The following TYW1B variants were observed in gnomAD, a reference collection of about 807,000 sequenced individuals.
The protein encoded by TYW1B is tRNA-yW synthesizing protein 1 homolog B, also known as S-adenosyl-L-methionine-dependent tRNA 4-demethylwyosine synthase TYW1B.
In TYW1B, 73 loss-of-function variants were observed where a neutral mutation model predicts 86.9. The ratio of observed to expected loss-of-function variants is 0.84; its 90% CI spans 0.70 to 1.02. TYW1B has a LOEUF of 1.02. Ranked by LOEUF, TYW1B falls within the 50% of genes least tolerant of loss-of-function variation. TYW1B has a pLI of 0.00. For missense variants in TYW1B, 637 were observed against 827.4 expected (o/e 0.77, Z 2.82); for synonymous variants, 248 against 292.8 (o/e 0.85, Z 1.56).
chr7:72,805,828 G>C (rs956167222), intron 5 of TYW1B, among the ~76,000 whole-genome samples: 1 of 152,058 alleles, frequency 6.6e-6, no homozygotes, highest in African/African-American at 2.4e-5. Flanking sequence ...ATAATGATAG[G>C]AACAGGGATG....
At chr7:72,672,459 G>C (rs1209303010) in intron 11 of TYW1B, among the ~76,000 whole-genome samples, 10 of 90,136 alleles carry the variant, frequency 1.1e-4, no homozygotes, top group African/African-American at 5.2e-4. Context: ...AATTTATTTG[G>C]GCATACACAC....
chr7:72,726,229 G>C (rs1786995870), intron 9 of TYW1B, among the ~76,000 whole-genome samples: 1 of 151,786 alleles, frequency 6.6e-6, no homozygotes, highest in Admixed American at 6.6e-5. Flanking sequence ...ATCAAGATGA[G>C]AAATTAAAAT....
At chr7:72,652,398 AAAAAAAAAT>A (rs1813086430) in intron 11 of TYW1B, among the ~76,000 whole-genome samples, 2 of 149,160 alleles carry the variant, frequency 1.3e-5, no homozygotes, top group African/African-American at 5.1e-5. Context: ...AAAAAAAAAA[AAAAAAAAAT>A]TTTTGTGACA....
At chr7:72,583,671 C>A (rs1346980930) in intron 13 of TYW1B, among the ~76,000 whole-genome samples, 1 of 152,200 alleles carries the variant, frequency 6.6e-6, no homozygotes, top group Non-Finnish European at 1.5e-5. Flanking sequence ...ACATCAACAA[C>A]CTCAGCCAAA....
chr7:72,628,968 G>A lies in TYW1B; in HGVS notation c.1536C>T (p.Leu512=), dbSNP rs782603211. Residue 512 remains leucine (L), a synonymous_variant, in exon 12 of 14, where the codon CTC becomes CTT. Transcript: ENST00000620995. The part of the protein sequence containing the change: ...KQQRTVYRLM[L]VKAWNVDELQ... ...GCTCGTCCACGTTCCATGCTTTCAC[G>A]AGCATCAGTCTGTAGACAGTTCGTT... The A allele has an allele frequency of 5.7e-6, 9 of 1,581,444 alleles. No homozygotes were observed. Among genetic ancestry groups the A allele is most frequent in the African/African-American group, 5.6e-5 (4 of 71,952 alleles).
intron 6 of TYW1B, among the ~76,000 whole-genome samples, chr7:72,795,319 T>G (rs868969108): frequency 5.7e-4 from 87 of 151,928 alleles, no homozygotes; most frequent in Non-Finnish European, 5.4e-4. Context: ...GATCCAAGAC[T>G]AAAATTTACA....
intron 11 of TYW1B, among the ~76,000 whole-genome samples, chr7:72,661,940 G>A (rs557162665): frequency 1.3e-5 from 2 of 151,990 alleles, no homozygotes; most frequent in African/African-American, 4.8e-5. Flanking sequence ...CAGAGATTAT[G>A]AGGAAGTTCT....
chr7:72,776,503 G>T (rs1426173718), intron 7 of TYW1B, among the ~76,000 whole-genome samples: 1 of 124,744 alleles, frequency 8.0e-6, no homozygotes, highest in African/African-American at 3.0e-5. Context: ...AGAGGTTACA[G>T]TGAGCCAAGA....
At chr7:72,813,329 C>G (rs1586004600) in intron 3 of TYW1B, among the ~76,000 whole-genome samples, 1 of 152,148 alleles carries the variant, frequency 6.6e-6, no homozygotes, top group South Asian at 2.1e-4. Context: ...GCACCCACCA[C>G]CAAGCCCAGC....
intron 8 of TYW1B, among the ~76,000 whole-genome samples, chr7:72,735,182 G>A (rs781977545): frequency 3.9e-5 from 6 of 152,174 alleles, no homozygotes; most frequent in African/African-American, 7.2e-5. Flanking sequence ...ATTCACAATC[G>A]CCAAGATACA....
At chr7:72,627,077 C>T (rs1812364304) in intron 12 of TYW1B, among the ~76,000 whole-genome samples, 1 of 152,070 alleles carries the variant, frequency 6.6e-6, no homozygotes, top group South Asian at 2.1e-4. Context: ...AGCACAGGAC[C>T]TCCATGCACT....
chr7:72,760,043 A>C lies in TYW1B; in HGVS notation c.965-15442T>G, dbSNP rs1293766822. Among the ~76,000 whole-genome samples the C allele has an allele frequency of 2.6e-5, 4 of 152,196 alleles. No homozygotes were observed. In the South Asian group the frequency reaches 8.3e-4, roughly 32 times the overall value. On this transcript the variant is annotated intron_variant, in intron 7 of 13. Coordinates refer to ENST00000620995, the MANE Select transcript of TYW1B (RefSeq NM_001145440.3). ...AAATCTTGCTTTTTCCGGCACACAG[A>C]GGCAAAAAGAAAAAGCCAAAACAAA...
intron 13 of TYW1B, among the ~76,000 whole-genome samples, chr7:72,586,915 A>C (rs1811291128): frequency 6.6e-6 from 1 of 152,142 alleles, no homozygotes. Context: ...CACAATCAGC[A>C]TTTCAAAGGC....
chr7:72,678,149 G>A (rs1813777951), intron 11 of TYW1B, among the ~76,000 whole-genome samples: 1 of 152,112 alleles, frequency 6.6e-6, no homozygotes, highest in Non-Finnish European at 1.5e-5. Flanking sequence ...ACTATCCGGG[G>A]CACTGAGGAT....
At position 72,587,742 on chromosome 7, in the gene TYW1B, T is replaced by C. The variant is rs555390535; in HGVS notation, c.1786-12023A>G. 2.1e-4 allele frequency among the ~76,000 whole-genome samples: 32 copies of C among 152,304 alleles called. No individual in the cohort carries two copies. In the South Asian group the frequency reaches 6.0e-3, roughly 29 times the overall value. ...TAATTTCTTAGTCCTACAAACGCCA[T>C]CGGGTCCCTAGCAAGAAGGAGGTTT... On this transcript the variant is annotated intron_variant, in intron 13 of 13. Coordinates refer to ENST00000620995, the MANE Select transcript of TYW1B (RefSeq NM_001145440.3).
chr7:72,827,722 A>AT (rs1336734600), intron 1 of TYW1B, among the ~76,000 whole-genome samples: 79 of 147,210 alleles, frequency 5.4e-4, no homozygotes, highest in Middle Eastern at 3.5e-3. Context: ...CTTACGTCTC[A>AT]TTTTTTTTTT....
chr7:72,634,107 C>T (rs1812609550), intron 11 of TYW1B, among the ~76,000 whole-genome samples: 1 of 152,082 alleles, frequency 6.6e-6, no homozygotes, highest in East Asian at 1.9e-4. Flanking sequence ...TAACCCCCTA[C>T]TTTGGGTTTC....
chr7:72,772,036 A>G (rs2129571910), intron 7 of TYW1B, among the ~76,000 whole-genome samples: 1 of 151,842 alleles, frequency 6.6e-6, no homozygotes, highest in East Asian at 1.9e-4. Context: ...TTCAGTAGGA[A>G]TGGGGTTTCA....
intron 11 of TYW1B, among the ~76,000 whole-genome samples, chr7:72,686,102 T>G (rs542073744): frequency 9.8e-5 from 15 of 152,304 alleles, no homozygotes; most frequent in Admixed American, 6.5e-4. Context: ...TCTCATCCAT[T>G]GCTCATGGGA....
Sources: allele counts gnomAD v4.1 joint callset (sites outside exome capture counted in the v4.1 genomes callset), GRCh38; gene constraint gnomAD v4.1.1; transcripts MANE v1.5; gene names NCBI Gene and HGNC (gene_info 2026-07-23, HGNC 2026-07-21).